Variants in ADCY9 observed in about 807,000 individuals in gnomAD.
ADCY9 encodes the protein adenylate cyclase type 9.
Under a neutral mutation model 101.5 loss-of-function variants are expected in ADCY9, and 50 were observed. The ratio of observed to expected loss-of-function variants is 0.49; its 90% CI spans 0.39 to 0.62. The LOEUF is 0.62. ADCY9 is among the 20% of genes least tolerant of loss of function. ADCY9 has a pLI of 0.00. For missense variants in ADCY9, 1,662 were observed against 1,800.4 expected (o/e 0.92, Z 1.39); for synonymous variants, 905 against 769.3 (o/e 1.18, Z -2.92).
chr16:3,954,348 T>C (rs2055896486), intron 5 of ADCY9, among the ~76,000 whole-genome samples: 1 of 152,088 alleles, frequency 6.6e-6, no homozygotes, highest in South Asian at 2.1e-4. Flanking sequence ...ATTGGTGGGA[T>C]TGGGTGGGGC....
intron 2 of ADCY9, among the ~76,000 whole-genome samples, chr16:4,037,437 T>A (rs1485331390): frequency 6.6e-6 from 1 of 152,132 alleles, no homozygotes; most frequent in Non-Finnish European, 1.5e-5. Context: ...CATATACATA[T>A]ACCACAGTTT....
chr16:3,966,289 A>T lies in ADCY9; in HGVS notation c.3548T>A (p.Leu1183Gln). The T allele has an allele frequency of 6.2e-7, 1 of 1,614,174 alleles. No individual in the cohort carries two copies. The highest frequency in any genetic ancestry group is 8.5e-7 in the Non-Finnish European group (1 of 1,180,034). Residue 1183 changes from leucine (L) to glutamine (Q), a missense_variant, in exon 11 of 11, where the codon CTG becomes CAG. This residue lies in a region of ADCY9 where 220 missense variants were observed against 312.9 expected (regional missense o/e 0.70). Transcript: ENST00000294016. ...TAGVIGTTKL[L>Q]YDIWGDTVNI... Reference sequence around the variant, plus strand: ...GACGGTGTCTCCCCAGATGTCGTACAGCAGCTTGGTGGTGCCGATGACCCC... The same window carrying T: ...GACGGTGTCTCCCCAGATGTCGTACTGCAGCTTGGTGGTGCCGATGACCCC...
chr16:4,041,754 TG>T (rs368586421), intron 2 of ADCY9, among the ~76,000 whole-genome samples: 2 of 148,902 alleles, frequency 1.3e-5, no homozygotes, highest in African/African-American at 5.1e-5. Flanking sequence ...TGATTTTTTT[TG>T]TTTTTTTTTT....
At chr16:4,098,395 G>A (rs766064187) in intron 2 of ADCY9, among the ~76,000 whole-genome samples, 16 of 151,914 alleles carry the variant, frequency 1.1e-4, no homozygotes, top group East Asian at 1.9e-4. Context: ...CACCAAGCCC[G>A]GCTAATTTTT....
chr16:4,051,520 T>A (rs1474504530), intron 2 of ADCY9, among the ~76,000 whole-genome samples: 7 of 140,796 alleles, frequency 5.0e-5, no homozygotes, highest in African/African-American at 8.0e-5. Flanking sequence ...CAAGACTCCA[T>A]CTAAAAAAAA....
At chr16:4,082,074 A>C (rs531819787) in intron 2 of ADCY9, among the ~76,000 whole-genome samples, 17 of 152,172 alleles carry the variant, frequency 1.1e-4, no homozygotes, top group South Asian at 6.2e-4. Flanking sequence ...CTACATTTTC[A>C]TTTTTTAAAA....
At chr16:3,974,143 G>A (rs868311484) in intron 10 of ADCY9, among the ~76,000 whole-genome samples, 2 of 152,158 alleles carry the variant, frequency 1.3e-5, no homozygotes, top group Non-Finnish European at 1.5e-5. Context: ...CCGGGTTCAC[G>A]CCATTCTCCC....
chr16:4,005,134 C>T (rs756030915), intron 3 of ADCY9, among the ~76,000 whole-genome samples: 2 of 152,108 alleles, frequency 1.3e-5, no homozygotes, highest in Non-Finnish European at 2.9e-5. Context: ...TGTCTACTAG[C>T]CTAGTGAAGG....
chr16:3,953,680 C>T (rs1597124642), intron 5 of ADCY9, among the ~76,000 whole-genome samples: 1 of 152,208 alleles, frequency 6.6e-6, no homozygotes, highest in East Asian at 1.9e-4. Context: ...TATTCTGTGA[C>T]TAGCAAGCTC....
intron 3 of ADCY9, among the ~76,000 whole-genome samples, chr16:4,006,390 C>T (rs778653212): frequency 8.5e-5 from 13 of 152,198 alleles, no homozygotes; most frequent in Non-Finnish European, 1.8e-4. Context: ...GCAATCATTA[C>T]GTGTAACTGG....
Position 4,101,565 on chromosome 16 carries a change from A to G in ADCY9, c.1693+12185T>C, listed in dbSNP as rs143361967. On this transcript the variant is annotated intron_variant, in intron 2 of 10. Coordinates refer to ENST00000294016, the MANE Select transcript of ADCY9 (RefSeq NM_001116.4). ...AAGTGCTGGGATTATAGACATGACC[A>G]CTGCACCTGGCCTGTACAGATTATT... 5.4e-3 allele frequency among the ~76,000 whole-genome samples: 828 copies of G among 152,234 alleles called. 9 individuals are homozygous for G. Among genetic ancestry groups the G allele is most frequent in the African/African-American group, 0.019 (773 of 41,552 alleles).
intron 10 of ADCY9, among the ~76,000 whole-genome samples, chr16:3,974,259 T>G (rs2056075864): frequency 6.6e-6 from 1 of 151,646 alleles, no homozygotes; most frequent in Admixed American, 6.6e-5. Context: ...TTAGCCAGGA[T>G]GGTCTCCATC....
chr16:3,954,799 G>T (rs1232864043), intron 5 of ADCY9, among the ~76,000 whole-genome samples: 1 of 152,192 alleles, frequency 6.6e-6, no homozygotes, highest in Non-Finnish European at 1.5e-5. Context: ...CACAGATGGG[G>T]AGGCCCTGTG....
intron 2 of ADCY9, among the ~76,000 whole-genome samples, chr16:4,050,110 T>C (rs1446374559): frequency 6.6e-6 from 1 of 151,890 alleles, no homozygotes; most frequent in Non-Finnish European, 1.5e-5. Flanking sequence ...GCCATGTTCC[T>C]GGGCCAGGAA....
intron 2 of ADCY9, among the ~76,000 whole-genome samples, chr16:4,090,839 T>C (rs1366962979): frequency 1.3e-5 from 2 of 152,112 alleles, no homozygotes; most frequent in Admixed American, 1.3e-4. Flanking sequence ...CCAAAACTTA[T>C]GCATTCATAT....
At chr16:4,000,868 A>G (rs1428335663) in intron 3 of ADCY9, among the ~76,000 whole-genome samples, 2 of 151,936 alleles carry the variant, frequency 1.3e-5, no homozygotes, top group African/African-American at 4.8e-5. Context: ...TCAAGATAAG[A>G]AAATATTTGG....
intron 10 of ADCY9, among the ~76,000 whole-genome samples, chr16:3,970,604 A>C (rs1483383419): frequency 6.6e-6 from 1 of 152,258 alleles, no homozygotes; most frequent in Non-Finnish European, 1.5e-5. Context: ...CTGGGATTAC[A>C]GGCACGAGCC....
rs71394654 is a variant in ADCY9 at position 4,097,549 on chromosome 16, A to ATTTT, written c.1693+16200_1693+16201insAAAA. On this transcript the variant is annotated intron_variant, in intron 2 of 10. Coordinates refer to ENST00000294016, the MANE Select transcript of ADCY9 (RefSeq NM_001116.4). ...TGTACATATATATATATATATATAT[A>ATTTT]TATATTTTTTTTTTTTTTTTTTAAG... Among the ~76,000 whole-genome samples, 128 of 48,196 alleles carry ATTTT rather than the reference A, an allele frequency of 2.7e-3. 3 individuals carry two copies. Among genetic ancestry groups the ATTTT allele is most frequent in the East Asian group, 0.017 (25 of 1,468 alleles). The allele number at this position is 48,196 out of a possible 152,430, so 31.6% of individuals were successfully genotyped here.
intron 2 of ADCY9, among the ~76,000 whole-genome samples, chr16:4,074,613 C>A (rs372005012): frequency 6.7e-6 from 1 of 148,862 alleles, no homozygotes; most frequent in Non-Finnish European, 1.5e-5. Flanking sequence ...GCTACTTGGG[C>A]GACAGAGGCG....
Sources: gnomAD v4.1 joint callset for allele counts (sites outside exome capture counted in the v4.1 genomes callset) on GRCh38, gnomAD v4.1.1 for gene constraint, gnomAD v4.1.1 regional missense constraint, MANE v1.5 for transcripts, NCBI Gene and HGNC (gene_info 2026-07-23, HGNC 2026-07-21) for gene names.